ITPRID1: variants seen among roughly 807,000 people sequenced by gnomAD.
ITPRID1 encodes the protein ITPR interacting domain containing 1.
ITPRID1 carries 96 observed loss-of-function variants against 95.4 expected under a neutral mutation model. The ratio of observed to expected loss-of-function variants is 1.01; its 90% CI spans 0.85 to 1.19. The LOEUF (loss-of-function observed/expected upper bound fraction) is 1.19, where lower values mean the gene tolerates loss of function less well. ITPRID1 is among the 50% of genes most tolerant of loss of function. The pLI, the probability that ITPRID1 is intolerant of heterozygous loss-of-function variation, is 0.00. For missense variants in ITPRID1, 1,339 were observed against 1,252.9 expected (o/e 1.07, Z -1.04); for synonymous variants, 510 against 453.6 (o/e 1.12, Z -1.58).
chr7:31,640,564 C>T (rs576422131), intron 10 of ITPRID1, among the ~76,000 whole-genome samples: 2 of 152,172 alleles, frequency 1.3e-5, no homozygotes, highest in African/African-American at 4.8e-5. Context: ...AGCTGGGTAA[C>T]TATAGGGTTC....
At chr7:31,633,537 C>T (rs1789209206) in intron 10 of ITPRID1, among the ~76,000 whole-genome samples, 1 of 152,142 alleles carries the variant, frequency 6.6e-6, no homozygotes, top group Admixed American at 6.5e-5. Flanking sequence ...TGTAAAATGC[C>T]TTAGAAGGAA....
chr7:31,604,325 A>T (rs118169487), intron 10 of ITPRID1, among the ~76,000 whole-genome samples: 6,987 of 152,330 alleles, frequency 0.046, 346 homozygotes, highest in Admixed American at 0.16. Flanking sequence ...GATCAAAATA[A>T]TTCAGCAAGG....
intron 10 of ITPRID1, among the ~76,000 whole-genome samples, chr7:31,592,514 G>A (rs1022283268): frequency 6.6e-6 from 1 of 152,246 alleles, no homozygotes; most frequent in Non-Finnish European, 1.5e-5. Context: ...TGGCACCAGG[G>A]ACCAGTTTCA....
intron 8 of ITPRID1, 110 bp downstream of exon 8, chr7:31,574,852 C>A: frequency 1.1e-6 from 1 of 888,404 alleles, no homozygotes; most frequent in Non-Finnish European, 1.8e-6. Context: ...CCCTCTATTA[C>A]AGTGACTTCA....
chr7:31,529,746 A>G, intron 1 of ITPRID1: 1 of 1,534,160 alleles, frequency 6.5e-7, no homozygotes, highest in Non-Finnish European at 8.7e-7. Context: ...AAAAAGGCAC[A>G]GAAGATCTCC....
intron 5 of ITPRID1, 121 bp downstream of exon 5, chr7:31,555,022 A>C (rs1784402485): frequency 1.4e-6 from 1 of 736,254 alleles, no homozygotes; most frequent in Non-Finnish European, 2.3e-6. Flanking sequence ...ATCAGCCCTC[A>C]AAAACTATCC....
At chr7:31,657,110 TATAA>T (rs961582652), downstream of ITPRID1, among the ~76,000 whole-genome samples, 5 of 1,088 alleles carry the variant, frequency 4.6e-3, no homozygotes, top group African/African-American at 0.017. Flanking sequence ...ATAAAATATA[TATAA>T]AATCATATAT....
Position 31,549,441 on chromosome 7 carries a change from G to T in ITPRID1, c.-82G>T. ...TACTTGACAGTTCCTGACAGGATAAGGACAAGAAGCAACACACAGAAGAGA... is the reference window on the plus strand; with the variant it reads ...TACTTGACAGTTCCTGACAGGATAATGACAAGAAGCAACACACAGAAGAGA... On this transcript the variant is annotated 5_prime_UTR_variant, in exon 2 of 15. In the 5' UTR this introduces an upstream ATG that the reference lacks. Coordinates refer to ENST00000615280, the MANE Select transcript of ITPRID1 (RefSeq NM_001257967.3). 1 of 1,502,946 alleles carries T rather than the reference G, an allele frequency of 6.7e-7. No homozygotes were observed. The highest frequency in any genetic ancestry group is 8.8e-7 in the Non-Finnish European group (1 of 1,133,322). 93.1% of individuals were successfully genotyped at this position (1,502,946 alleles called of 1,614,324 possible). A position where few individuals can be genotyped will look rare whatever the true frequency, so the allele number is the denominator to read the frequency against.
rs1583773051 is a variant in ITPRID1, at chr7:31,656,499, C to A, written c.*3670C>A. On this transcript the variant is annotated 3_prime_UTR_variant, in exon 15 of 15. Transcript: ENST00000615280. ...ATACCAAGAACTCAATAAATGCTAA[C>A]TGTAATTACTGTCTTCCTTCTGTTG... The A allele has an allele frequency of 3.0e-5, 29 of 979,002 alleles. No homozygotes were observed. The highest frequency in any genetic ancestry group is 3.3e-5 in the Non-Finnish European group (27 of 827,038). The allele number at this position is 979,002 out of a possible 1,614,324, so 60.6% of individuals were successfully genotyped here.
Position 31,592,310 on chromosome 7 carries a change from A to G in ITPRID1, c.1228+9119A>G, listed in dbSNP as rs1281974459. Among the ~76,000 whole-genome samples the G allele has an allele frequency of 2.0e-5, 3 of 152,212 alleles. No homozygotes were observed. The East Asian group carries it at 5.8e-4, about 29-fold the overall frequency. ...CTATGTAACTTTAACAAATTACTCA[A>G]TCTCTATGCTTCTGTGTCCTCATCT... On this transcript the variant is annotated intron_variant, in intron 10 of 14. Transcript: ENST00000615280.
At chr7:31,597,346 G>T (rs543265841) in intron 10 of ITPRID1, among the ~76,000 whole-genome samples, 33 of 152,030 alleles carry the variant, frequency 2.2e-4, no homozygotes, top group South Asian at 1.0e-3. Context: ...TTGCAGACAA[G>T]ATAACTGTCT....
chr7:31,620,827 C>A (rs1787801369), intron 10 of ITPRID1, among the ~76,000 whole-genome samples: 1 of 152,068 alleles, frequency 6.6e-6, no homozygotes, highest in African/African-American at 2.4e-5. Context: ...GGAGGAAATT[C>A]AAACCAAAGG....
chr7:31,604,758 T>C (rs1322077505), intron 10 of ITPRID1, among the ~76,000 whole-genome samples: 1 of 152,156 alleles, frequency 6.6e-6, no homozygotes, highest in Non-Finnish European at 1.5e-5. Flanking sequence ...TGTTTCTCAG[T>C]TTTTTCAAGG....
chr7:31,625,305 A>C (rs1000104086), intron 10 of ITPRID1, among the ~76,000 whole-genome samples: 1 of 151,970 alleles, frequency 6.6e-6, no homozygotes, highest in Non-Finnish European at 1.5e-5. Context: ...TCATGCTGCT[A>C]TAAAGACACA....
intron 10 of ITPRID1, among the ~76,000 whole-genome samples, chr7:31,621,153 G>C (rs1486567399): frequency 6.6e-6 from 1 of 150,702 alleles, no homozygotes; most frequent in Non-Finnish European, 1.5e-5. Flanking sequence ...AAAGTGATGG[G>C]GAGAATGGAA....
intron 10 of ITPRID1, among the ~76,000 whole-genome samples, chr7:31,584,302 A>T (rs1785509957): frequency 6.6e-6 from 1 of 152,212 alleles, no homozygotes; most frequent in Admixed American, 6.5e-5. Context: ...TGCTGTTTAG[A>T]AATTATGCAT....
chr7:31,519,578 A>ATCTCTCTCTCTCTCTCTC (rs72374972), intron 1 of ITPRID1, among the ~76,000 whole-genome samples: 8 of 37,474 alleles, frequency 2.1e-4, no homozygotes, highest in Admixed American at 8.7e-4. Context: ...TATTTCTGGT[A>ATCTCTCTCTCTCTCTCTC]TCTCTCTCTC....
intron 10 of ITPRID1, among the ~76,000 whole-genome samples, chr7:31,615,858 A>AATCT (rs1554292942): frequency 6.6e-6 from 1 of 151,278 alleles, no homozygotes; most frequent in African/African-American, 2.4e-5. Context: ...GGTTCACGCC[A>AATCT]ATCTCCTGCC....
intron 5 of ITPRID1, 110 bp downstream of exon 5, chr7:31,555,011 G>C: frequency 1.2e-6 from 1 of 822,538 alleles, no homozygotes; most frequent in Non-Finnish European, 2.0e-6. Flanking sequence ...TTCTAGAAAT[G>C]ATCAGCCCTC....
Sources: gnomAD v4.1 joint callset for allele counts (sites outside exome capture counted in the v4.1 genomes callset) on GRCh38, gnomAD v4.1.1 for gene constraint, MANE v1.5 for transcripts, NCBI Gene and HGNC (gene_info 2026-07-23, HGNC 2026-07-21) for gene names.